Variants in NDUFA10 observed in about 807,000 individuals in gnomAD.
NDUFA10 encodes the protein NADH dehydrogenase [ubiquinone] 1 alpha subcomplex subunit 10, mitochondrial.
A neutral mutation model predicts 47.8 loss-of-function variants in NDUFA10; 40 were observed. That is an observed-to-expected ratio of 0.84 (90% CI 0.65 to 1.09). NDUFA10 has a LOEUF of 1.09. NDUFA10 is among the 50% of genes least tolerant of loss of function. NDUFA10 has a pLI of 0.00. For synonymous variants in NDUFA10, 183 were observed against 172.2 expected, an observed-to-expected ratio of 1.06 and a Z score of -0.49; for missense variants, 413 against 451.1, an observed-to-expected ratio of 0.92 and a Z score of 0.76.
intron 4 of NDUFA10, among the ~76,000 whole-genome samples, chr2:239,909,350 C>T (rs1312006434): frequency 7.9e-5 from 12 of 152,312 alleles, no homozygotes; most frequent in African/African-American, 2.6e-4. Context: ...CGGCAGCTCA[C>T]GCCTGTAATC....
At chr2:239,930,764 G>A (rs1694156482) in intron 4 of NDUFA10, among the ~76,000 whole-genome samples, 1 of 152,098 alleles carries the variant, frequency 6.6e-6, no homozygotes, top group Non-Finnish European at 1.5e-5. Flanking sequence ...CGGTGGATGG[G>A]TACAGCGAGC....
intron 9 of NDUFA10, among the ~76,000 whole-genome samples, chr2:239,963,985 G>A (rs1013708484): frequency 3.9e-5 from 6 of 152,338 alleles, no homozygotes; most frequent in African/African-American, 9.6e-5. Flanking sequence ...CCACACTAGC[G>A]GGGAAGCAGT....
At chr2:240,020,830 T>C (rs955912718) in intron 3 of NDUFA10, among the ~76,000 whole-genome samples, 2 of 152,238 alleles carry the variant, frequency 1.3e-5, no homozygotes, top group African/African-American at 4.8e-5. Flanking sequence ...TCTGTCTGCA[T>C]GGCACATGCA....
chr2:239,927,322 T>TA (rs1482031182), intron 4 of NDUFA10, among the ~76,000 whole-genome samples: 1 of 152,240 alleles, frequency 6.6e-6, no homozygotes, highest in East Asian at 1.9e-4. Flanking sequence ...GTCAGAAAGT[T>TA]AAAAAATATC....
At position 239,957,592 on chromosome 2, in the gene NDUFA10, A is replaced by G. The variant is rs1694692138; in HGVS notation, c.*3526T>C. 1 of 152,256 alleles carries G rather than the reference A, an allele frequency of 6.6e-6. No individual in the cohort carries two copies. The highest frequency in any genetic ancestry group is 1.5e-5 in the Non-Finnish European group (1 of 68,046). 9.4% of individuals were successfully genotyped at this position (152,256 alleles called of 1,614,324 possible). A position where few individuals can be genotyped will look rare whatever the true frequency, so the allele number is the denominator to read the frequency against. On this transcript the variant is annotated 3_prime_UTR_variant, in exon 10 of 10. Transcript: ENST00000252711. The stretch of plus-strand genomic sequence containing the variant: ...TAAAAGCGAATGAGCAAACTTACTC[A>G]CATGCTTAAAGATAAAATTTGACAG...
In NDUFA10 at chr2:240,004,259, C is replaced by T. The variant is rs138112580; in HGVS notation, c.890+951G>A. Reference sequence around the variant, plus strand: ...CAAGGGTCTGCCGCATCTGGAATGGCGAGGCCGTCTCCTTGGCAGGAGCAG... The same window carrying T: ...CAAGGGTCTGCCGCATCTGGAATGGTGAGGCCGTCTCCTTGGCAGGAGCAG... On this transcript the variant is annotated intron_variant, in intron 8 of 9. Transcript: ENST00000252711. Among the ~76,000 whole-genome samples, 520 of 152,234 alleles carry T rather than the reference C, an allele frequency of 3.4e-3. 9 individuals carry two copies. Among genetic ancestry groups the T allele is most frequent in the African/African-American group, 0.012 (479 of 41,530 alleles).
intron 4 of NDUFA10, among the ~76,000 whole-genome samples, chr2:239,919,369 A>G (rs1693929367): frequency 6.6e-6 from 1 of 151,432 alleles, no homozygotes; most frequent in Non-Finnish European, 1.5e-5. Context: ...CCTGTCCTTC[A>G]TGGCTCCTTG....
At chr2:239,909,086 C>T (rs1693703485) in intron 4 of NDUFA10, among the ~76,000 whole-genome samples, 1 of 152,192 alleles carries the variant, frequency 6.6e-6, no homozygotes, top group Non-Finnish European at 1.5e-5. Flanking sequence ...CCTCCAGCGC[C>T]TCCCAAAGAA....
intron 9 of NDUFA10, among the ~76,000 whole-genome samples, chr2:239,966,862 T>C (rs1352832303): frequency 1.8e-5 from 2 of 108,600 alleles, no homozygotes; most frequent in African/African-American, 3.5e-5. Context: ...TTTTTTTTTT[T>C]TTTTTTTTCC....
chr2:240,017,421 C>A (rs914180391), intron 4 of NDUFA10, among the ~76,000 whole-genome samples: 3 of 152,194 alleles, frequency 2.0e-5, no homozygotes, highest in Non-Finnish European at 4.4e-5. Context: ...AAACAGCTGT[C>A]CCTGACACTA....
chr2:239,930,791 G>A (rs1358155922), intron 4 of NDUFA10, among the ~76,000 whole-genome samples: 1 of 151,656 alleles, frequency 6.6e-6, no homozygotes, highest in East Asian at 1.9e-4. Context: ...GGAGGGGCAG[G>A]GTCCAGGAGG....
At chr2:239,983,503 C>A in intron 9 of NDUFA10, 1 of 1,590,958 alleles carries the variant, frequency 6.3e-7, no homozygotes, top group East Asian at 2.3e-5. Context: ...TCTAAACAGT[C>A]AGACAATTCT....
intron 4 of NDUFA10, among the ~76,000 whole-genome samples, chr2:239,899,981 T>C (rs1156514948): frequency 6.6e-6 from 1 of 151,936 alleles, no homozygotes; most frequent in African/African-American, 2.4e-5. Context: ...GTGGGCACCA[T>C]CTAATCAGCT....
At position 239,960,616 on chromosome 2, in the gene NDUFA10, A is replaced by AGCCTACAT; in HGVS notation, c.*501_*502insATGTAGGC. The AGCCTACAT allele has an allele frequency of 9.8e-7, 1 of 1,024,472 alleles. No homozygotes were observed. Among genetic ancestry groups the AGCCTACAT allele is most frequent in the Non-Finnish European group, 1.2e-6 (1 of 851,158 alleles). 63.5% of individuals were successfully genotyped at this position (1,024,472 alleles called of 1,614,324 possible). The stretch of plus-strand genomic sequence containing the variant: ...AAATAAATACAGTAGGCCTTTAGAA[A>AGCCTACAT]AACTCTTCAGCATAATGTAAGCCTC... On this transcript the variant is annotated 3_prime_UTR_variant, in exon 10 of 10. Coordinates refer to ENST00000252711, the MANE Select transcript of NDUFA10 (RefSeq NM_004544.4).
chr2:240,024,430 G>A (rs1404624051), intron 1 of NDUFA10, among the ~76,000 whole-genome samples: 2 of 152,200 alleles, frequency 1.3e-5, no homozygotes, highest in Admixed American at 6.5e-5. Flanking sequence ...AAATGTTAAT[G>A]AGATCTGTGG....
At chr2:239,923,731 G>GA (rs552281131) in intron 4 of NDUFA10, among the ~76,000 whole-genome samples, 10 of 149,132 alleles carry the variant, frequency 6.7e-5, no homozygotes, top group Middle Eastern at 3.4e-3. Flanking sequence ...CACAGAGCAA[G>GA]AAAAAAAAGA....
rs1189622748 is a variant in NDUFA10, at chr2:240,017,954, C to T, written c.547+599G>A. 4 of 1,461,798 alleles carry T rather than the reference C, an allele frequency of 2.7e-6. No homozygotes were observed. In the African/African-American group the frequency reaches 4.2e-5, roughly 15 times the overall value. 90.6% of individuals were successfully genotyped at this position (1,461,798 alleles called of 1,614,324 possible). A position where few individuals can be genotyped will look rare whatever the true frequency, so the allele number is the denominator to read the frequency against. Reference sequence around the variant, plus strand: ...CAGACTGTCCACCAGGCCTATTCAACCCACCGCCCAACACAGTCCTAGTCA... The same window carrying T: ...CAGACTGTCCACCAGGCCTATTCAATCCACCGCCCAACACAGTCCTAGTCA... On this transcript the variant is annotated intron_variant, in intron 4 of 9. Transcript: ENST00000252711.
chr2:239,900,817 A>G (rs7589517), intron 4 of NDUFA10, among the ~76,000 whole-genome samples: 128,411 of 152,240 alleles, frequency 0.84, 54,197 homozygotes, highest in East Asian at 0.99. Context: ...AGAGAAGGAA[A>G]TTGCAGAAGC....
At chr2:239,957,270 C>T (rs530157634), downstream of NDUFA10, 1 of 152,326 alleles carries the variant, frequency 6.6e-6, no homozygotes, top group South Asian at 2.1e-4. Flanking sequence ...GCCCCATCAA[C>T]GTTCACTGTA....
Sources: gnomAD v4.1 joint callset for allele counts (sites outside exome capture counted in the v4.1 genomes callset) on GRCh38, gnomAD v4.1.1 for gene constraint, MANE v1.5 for transcripts, NCBI Gene and HGNC (gene_info 2026-07-23, HGNC 2026-07-21) for gene names.